Variants in NCAM2 observed in about 807,000 individuals in gnomAD.
The protein encoded by NCAM2 is neural cell adhesion molecule 2.
In NCAM2, 30 loss-of-function variants were observed where a neutral mutation model predicts 98.1. The ratio of observed to expected loss-of-function variants is 0.31; its 90% CI spans 0.23 to 0.41. NCAM2 has a LOEUF of 0.41. Among genes scored for constraint, NCAM2 ranks in the 10% least tolerant of loss-of-function variants. The probability of loss-of-function intolerance (pLI) is 1.00; values close to 1 mark genes in which losing one functional copy is unlikely to be tolerated. For synonymous variants in NCAM2, 368 were observed against 342.4 expected (o/e 1.07, Z -0.83); for missense variants, 867 against 1,005.8 (o/e 0.86, Z 1.87).
At chr21:21,134,065 T>G (rs1042249626) in intron 1 of NCAM2, among the ~76,000 whole-genome samples, 2 of 2,362 alleles carry the variant, frequency 8.5e-4, no homozygotes, top group Non-Finnish European at 6.9e-3. Flanking sequence ...ACTTCCTCTC[T>G]TTTTTTTTTT....
At chr21:21,483,731 C>A (rs963711478) in intron 15 of NCAM2, among the ~76,000 whole-genome samples, 1 of 152,058 alleles carries the variant, frequency 6.6e-6, no homozygotes, top group Non-Finnish European at 1.5e-5. Flanking sequence ...ACTACACCTG[C>A]AGCAGCATTT....
chr21:21,215,805 T>G (rs1347626138), intron 1 of NCAM2, among the ~76,000 whole-genome samples: 1 of 152,076 alleles, frequency 6.6e-6, no homozygotes, highest in Non-Finnish European at 1.5e-5. Flanking sequence ...TGTATGTGTA[T>G]GTGTTGTAAG....
Position 21,338,471 on chromosome 21 carries a change from G to A in NCAM2, c.981G>A (p.Glu327=), listed in dbSNP as rs1003042691. The change falls in exon 8 of 18, where the codon GAG becomes GAA. Residue 327 remains glutamate, a synonymous_variant. Coordinates refer to ENST00000400546, the MANE Select transcript of NCAM2 (RefSeq NM_004540.5). ...QVTLVCDAEG[E]PIPEITWKRA... ...CACTCGTATGTGATGCGGAAGGGGA[G>A]CCTATTCCAGAAATCACTTGGAAAA... 2.5e-6 allele frequency: 4 copies of A among 1,612,828 alleles called. No individual in the cohort carries two copies. The African/African-American group carries it at 4.0e-5, about 16-fold the overall frequency.
chr21:21,135,119 A>G (rs1272385772), intron 1 of NCAM2, among the ~76,000 whole-genome samples: 1 of 151,178 alleles, frequency 6.6e-6, no homozygotes, highest in Non-Finnish European at 1.5e-5. Flanking sequence ...GGTGCCGGGC[A>G]CCTGTAGTCC....
chr21:21,379,225 A>G (rs1465320287), intron 9 of NCAM2, among the ~76,000 whole-genome samples: 1 of 151,862 alleles, frequency 6.6e-6, no homozygotes, highest in Non-Finnish European at 1.5e-5. Context: ...CCATTTTGTT[A>G]ATTCATATTT....
chr21:21,198,205 T>C (rs1223757906), intron 1 of NCAM2, among the ~76,000 whole-genome samples: 1 of 151,288 alleles, frequency 6.6e-6, no homozygotes, highest in Admixed American at 6.6e-5. Flanking sequence ...TGTGTGTGTG[T>C]GTGTGTGTGT....
intron 11 of NCAM2, among the ~76,000 whole-genome samples, chr21:21,422,615 GA>G (rs1489496499): frequency 6.6e-6 from 1 of 151,978 alleles, no homozygotes; most frequent in African/African-American, 2.4e-5. Context: ...ACATTGGGGG[GA>G]AAAAGTAATC....
chr21:21,035,517 A>G (rs539244715), intron 1 of NCAM2, among the ~76,000 whole-genome samples: 28 of 152,334 alleles, frequency 1.8e-4, no homozygotes, highest in South Asian at 1.7e-3. Context: ...TAAACAAAAC[A>G]GTCATAAAAA....
At chr21:21,199,225 A>G (rs936148464) in intron 1 of NCAM2, among the ~76,000 whole-genome samples, 2 of 152,096 alleles carry the variant, frequency 1.3e-5, no homozygotes, top group African/African-American at 4.8e-5. Flanking sequence ...TTCATTGCAA[A>G]ATGTTTCCAA....
intron 9 of NCAM2, among the ~76,000 whole-genome samples, chr21:21,400,685 AAGTGATT>A (rs2076608796): frequency 6.6e-6 from 1 of 151,468 alleles, no homozygotes; most frequent in Admixed American, 6.6e-5. Flanking sequence ...TCCTAGGTTC[AAGTGATT>A]CTCATGCCTC....
chr21:21,087,451 T>C (rs554660869), intron 1 of NCAM2, among the ~76,000 whole-genome samples: 72 of 152,142 alleles, frequency 4.7e-4, no homozygotes, highest in Non-Finnish European at 8.5e-4. Context: ...ACACAGCTCT[T>C]TATCCTCCTG....
At chr21:21,356,816 T>C (rs7364044) in intron 8 of NCAM2, among the ~76,000 whole-genome samples, 97,307 of 151,524 alleles carry the variant, frequency 0.64, 31,438 homozygotes, top group Middle Eastern at 0.72. Context: ...CATGGAGAAA[T>C]CCCATCTCTA....
intron 1 of NCAM2, among the ~76,000 whole-genome samples, chr21:21,012,457 A>C (rs1365615237): frequency 6.6e-6 from 1 of 152,148 alleles, no homozygotes; most frequent in African/African-American, 2.4e-5. Context: ...GGGGCAAAGA[A>C]GAGAAGGACA....
chr21:21,445,969 C>T (rs1980066939), intron 12 of NCAM2, among the ~76,000 whole-genome samples: 1 of 152,046 alleles, frequency 6.6e-6, no homozygotes. Flanking sequence ...GTGGCTGGTA[C>T]CAGTTTTTCC....
intron 5 of NCAM2, among the ~76,000 whole-genome samples, chr21:21,311,770 T>A (rs1471518436): frequency 9.1e-6 from 1 of 109,608 alleles, no homozygotes; most frequent in Non-Finnish European, 1.9e-5. Context: ...TTTGGAGCTG[T>A]TGTACATTTT....
In NCAM2 at chr21:21,431,853, A is replaced by G. The variant is rs527677454; in HGVS notation, c.1481-255A>G. On this transcript the variant is annotated intron_variant, in intron 11 of 17. Coordinates refer to ENST00000400546, the MANE Select transcript of NCAM2 (RefSeq NM_004540.5). The stretch of plus-strand genomic sequence containing the variant: ...ATATCGTATAGAAAATGCAGAAGTA[A>G]CATATTCCCTCAATAATTAAAGTGT... Among the ~76,000 whole-genome samples the G allele has an allele frequency of 2.6e-5, 4 of 152,274 alleles. No individual in the cohort carries two copies. In the East Asian group the frequency reaches 7.7e-4, roughly 29 times the overall value.
chr21:21,371,351 G>T (rs772663151), intron 8 of NCAM2, among the ~76,000 whole-genome samples: 2 of 151,772 alleles, frequency 1.3e-5, no homozygotes, highest in Non-Finnish European at 2.9e-5. Flanking sequence ...CAGAGTATTT[G>T]AAGTTGAGTT....
At chr21:21,358,030 G>A (rs1476289663) in intron 8 of NCAM2, among the ~76,000 whole-genome samples, 5 of 152,070 alleles carry the variant, frequency 3.3e-5, no homozygotes, top group Non-Finnish European at 4.4e-5. Flanking sequence ...TTGCAACAGA[G>A]ATTATAGATA....
intron 5 of NCAM2, among the ~76,000 whole-genome samples, chr21:21,303,741 G>A (rs2073798071): frequency 6.6e-6 from 1 of 152,010 alleles, no homozygotes; most frequent in African/African-American, 2.4e-5. Context: ...CAGTGTACGG[G>A]TATTTCGGGT....
Sources: gnomAD v4.1 joint callset for allele counts (sites outside exome capture counted in the v4.1 genomes callset) on GRCh38, gnomAD v4.1.1 for gene constraint, MANE v1.5 for transcripts, NCBI Gene and HGNC (gene_info 2026-07-23, HGNC 2026-07-21) for gene names.